NCALD: variants seen among roughly 807,000 people sequenced by gnomAD.
The protein encoded by NCALD is neurocalcin delta.
A neutral mutation model predicts 18.6 loss-of-function variants in NCALD; 10 were observed. That is an observed-to-expected ratio of 0.54 (90% CI 0.33 to 0.91). The LOEUF is 0.91. Ranked by LOEUF, NCALD falls within the 40% of genes least tolerant of loss-of-function variation. NCALD has a pLI of 0.03. For synonymous variants in NCALD, 88 were observed against 87.4 expected (o/e 1.01, Z -0.04); for missense variants, 184 against 247.6 (o/e 0.74, Z 1.72).
chr8:101,893,101 G>C (rs902470920), intron 3 of NCALD, among the ~76,000 whole-genome samples: 1 of 151,274 alleles, frequency 6.6e-6, no homozygotes, highest in Non-Finnish European at 1.5e-5. Flanking sequence ...AAATGTTAAG[G>C]GCAGCCAGAG....
intron 3 of NCALD, among the ~76,000 whole-genome samples, chr8:101,894,907 G>A (rs1421524740): frequency 6.6e-6 from 1 of 150,744 alleles, no homozygotes; most frequent in Non-Finnish European, 1.5e-5. Flanking sequence ...GGACCAGATG[G>A]ATTCACAGCC....
intron 1 of NCALD, among the ~76,000 whole-genome samples, chr8:101,725,144 A>T (rs114068183): frequency 0.06 from 9,069 of 152,196 alleles, 293 homozygotes; most frequent in Middle Eastern, 0.15. Flanking sequence ...CATGACCCTA[A>T]ATAAGAACAG....
At chr8:101,933,365 C>T (rs1818646472) in intron 2 of NCALD, among the ~76,000 whole-genome samples, 1 of 152,170 alleles carries the variant, frequency 6.6e-6, no homozygotes, top group Admixed American at 6.5e-5. Flanking sequence ...TGGCAGGATG[C>T]AGCCAGGAGC....
At chr8:101,867,219 C>A (rs1451323370) in intron 4 of NCALD, among the ~76,000 whole-genome samples, 1 of 152,182 alleles carries the variant, frequency 6.6e-6, no homozygotes, top group Non-Finnish European at 1.5e-5. Context: ...CTTGGCCATT[C>A]TATCTAAAAT....
At chr8:102,006,717 G>C (rs1268217157) in intron 2 of NCALD, among the ~76,000 whole-genome samples, 1 of 152,226 alleles carries the variant, frequency 6.6e-6, no homozygotes, top group Non-Finnish European at 1.5e-5. Flanking sequence ...CTCCCGCTGG[G>C]TGGCTCCAAC....
chr8:101,772,035 T>A (rs993998496), intron 1 of NCALD, among the ~76,000 whole-genome samples: 8 of 152,192 alleles, frequency 5.3e-5, no homozygotes, highest in Non-Finnish European at 1.2e-4. Flanking sequence ...GACCTGGGAA[T>A]GAGGCCACAT....
intron 1 of NCALD, among the ~76,000 whole-genome samples, chr8:101,743,765 A>C (rs1170839689): frequency 6.6e-6 from 1 of 152,188 alleles, no homozygotes; most frequent in Admixed American, 6.5e-5. Context: ...ATCGAATTAT[A>C]AAAATGTCCT....
intron 3 of NCALD, among the ~76,000 whole-genome samples, chr8:101,895,390 A>G (rs916882635): frequency 1.3e-5 from 2 of 149,382 alleles, no homozygotes; most frequent in African/African-American, 5.1e-5. Flanking sequence ...ATCTATGACA[A>G]ACCCACAGCC....
chr8:101,929,441 AGGAG>A (rs1346507272), intron 2 of NCALD, among the ~76,000 whole-genome samples: 9 of 23,294 alleles, frequency 3.9e-4, no homozygotes, highest in Non-Finnish European at 5.3e-4. Flanking sequence ...AAGGAAGGAA[AGGAG>A]GGAGGGAGGG....
intron 4 of NCALD, among the ~76,000 whole-genome samples, chr8:101,884,144 T>C (rs1038752064): frequency 6.6e-6 from 1 of 152,216 alleles, no homozygotes; most frequent in Non-Finnish European, 1.5e-5. Flanking sequence ...CCTTAGAACC[T>C]CTGCTCTGGC....
intron 4 of NCALD, among the ~76,000 whole-genome samples, chr8:101,854,794 G>A (rs770057554): frequency 6.6e-6 from 1 of 152,150 alleles, no homozygotes; most frequent in Non-Finnish European, 1.5e-5. Flanking sequence ...TAAAGTAACA[G>A]AGTAAGATTG....
intron 3 of NCALD, among the ~76,000 whole-genome samples, chr8:101,896,040 A>G (rs920877670): frequency 1.3e-5 from 2 of 151,252 alleles, no homozygotes; most frequent in African/African-American, 2.5e-5. Context: ...GAACCAAAAA[A>G]GAGCCCGCAT....
intron 1 of NCALD, among the ~76,000 whole-genome samples, chr8:102,070,829 C>T (rs1375861935): frequency 2.6e-5 from 4 of 152,144 alleles, no homozygotes; most frequent in Non-Finnish European, 4.4e-5. Flanking sequence ...GGCTGCTTAC[C>T]GGGAAAAGAC....
chr8:101,819,018 T>C (rs1465537575), intron 4 of NCALD, among the ~76,000 whole-genome samples: 5 of 151,924 alleles, frequency 3.3e-5, no homozygotes, highest in Non-Finnish European at 7.4e-5. Flanking sequence ...AATAAATAAA[T>C]AAATAAAAAT....
chr8:102,027,984 T>C (rs1033217129), intron 1 of NCALD, among the ~76,000 whole-genome samples: 1 of 152,222 alleles, frequency 6.6e-6, no homozygotes, highest in Admixed American at 6.5e-5. Context: ...AAAGGGATTA[T>C]GGGAACTGTA....
intron 2 of NCALD, among the ~76,000 whole-genome samples, chr8:101,999,140 C>T (rs991365763): frequency 6.7e-6 from 1 of 149,792 alleles, no homozygotes; most frequent in Non-Finnish European, 1.5e-5. Flanking sequence ...CCACATAAGT[C>T]CCATGGATGC....
rs368364399 is a variant in NCALD at position 101,826,215 on chromosome 8, C to T, written c.-20+60926G>A. On this transcript the variant is annotated intron_variant, in intron 4 of 6. Coordinates refer to the NCALD transcript ENST00000311028. Reference sequence around the variant, plus strand: ...TTCAGAGAAGAACAGCTTCATAGTCCACCTAAGAAGACTGGACCCTAGGCG... The same window carrying T: ...TTCAGAGAAGAACAGCTTCATAGTCTACCTAAGAAGACTGGACCCTAGGCG... Among the ~76,000 whole-genome samples the T allele has an allele frequency of 5.8e-4, 88 of 152,304 alleles. 1 individual carries two copies. The highest frequency in any genetic ancestry group is 2.0e-3 in the African/African-American group (84 of 41,558).
At chr8:101,895,322 G>A (rs1431957604) in intron 3 of NCALD, among the ~76,000 whole-genome samples, 119 of 128,710 alleles carry the variant, frequency 9.2e-4, no homozygotes, top group Non-Finnish European at 1.3e-3. Flanking sequence ...AACCCTTCAT[G>A]CTAAAAACTC....
At chr8:102,000,623 C>T (rs1187757541) in intron 2 of NCALD, among the ~76,000 whole-genome samples, 2 of 152,290 alleles carry the variant, frequency 1.3e-5, no homozygotes, top group Non-Finnish European at 2.9e-5. Flanking sequence ...GGGAGGCATC[C>T]CCCAGTAGGA....
Sources: allele counts gnomAD v4.1 joint callset (sites outside exome capture counted in the v4.1 genomes callset), GRCh38; gene constraint gnomAD v4.1.1; transcripts MANE v1.5; gene names NCBI Gene and HGNC (gene_info 2026-07-23, HGNC 2026-07-21).